Variants in DPP10 observed in about 807,000 individuals in gnomAD.
DPP10 encodes dipeptidyl peptidase like 10.
DPP10 carries 33 observed loss-of-function variants against 120.9 expected under a neutral mutation model. That is an observed-to-expected ratio of 0.27 (90% CI 0.21 to 0.37). DPP10 has a LOEUF of 0.37. Among genes scored for constraint, DPP10 ranks in the 10% least tolerant of loss-of-function variants. The probability of loss-of-function intolerance (pLI) is 1.00; values close to 1 mark genes in which losing one functional copy is unlikely to be tolerated. For missense variants in DPP10, 816 were observed against 942.8 expected (o/e 0.87, Z 1.76); for synonymous variants, 337 against 326.1 (o/e 1.03, Z -0.36).
chr2:114,918,368 C>T (rs1694955798), intron 1 of DPP10, among the ~76,000 whole-genome samples: 1 of 152,088 alleles, frequency 6.6e-6, no homozygotes, highest in Non-Finnish European at 1.5e-5. Context: ...GTTAGTTTAA[C>T]CACCATGGAA....
chr2:114,806,566 G>A (rs1411323270), intron 1 of DPP10, among the ~76,000 whole-genome samples: 1 of 152,102 alleles, frequency 6.6e-6, no homozygotes, highest in African/African-American at 2.4e-5. Context: ...GTGTCAATGT[G>A]AGTCAAAGAA....
At chr2:115,813,744 T>G (rs943112434) in intron 19 of DPP10, among the ~76,000 whole-genome samples, 1 of 152,214 alleles carries the variant, frequency 6.6e-6, no homozygotes, top group African/African-American at 2.4e-5. Context: ...GGAAATCTGA[T>G]AACTTGAAAG....
At chr2:114,786,537 A>T (rs1558740252) in intron 1 of DPP10, among the ~76,000 whole-genome samples, 1 of 152,202 alleles carries the variant, frequency 6.6e-6, no homozygotes. Context: ...TGAAGCACAG[A>T]TATCCACAAT....
intron 12 of DPP10, among the ~76,000 whole-genome samples, chr2:115,766,276 CATTAT>C (rs1268948939): frequency 1.1e-4 from 11 of 101,946 alleles, no homozygotes; most frequent in African/African-American, 3.5e-4. Context: ...CAAAAATACT[CATTAT>C]ATATATGTGT....
chr2:114,847,198 T>C (rs900560415), intron 1 of DPP10, among the ~76,000 whole-genome samples: 3 of 152,088 alleles, frequency 2.0e-5, no homozygotes, highest in Non-Finnish European at 4.4e-5. Flanking sequence ...TTGCTGAGCT[T>C]TGCCTGAAAC....
At chr2:114,974,727 T>C (rs1215504082) in intron 1 of DPP10, among the ~76,000 whole-genome samples, 1 of 151,872 alleles carries the variant, frequency 6.6e-6, no homozygotes, top group Non-Finnish European at 1.5e-5. Flanking sequence ...CTAGATCCTA[T>C]ATAGAAGGTA....
At chr2:115,774,026 T>G (rs920570189) in intron 13 of DPP10, among the ~76,000 whole-genome samples, 2 of 152,104 alleles carry the variant, frequency 1.3e-5, no homozygotes, top group African/African-American at 4.8e-5. Flanking sequence ...ATGGTTGTTA[T>G]TAAGGCTTCC....
intron 4 of DPP10, among the ~76,000 whole-genome samples, chr2:115,503,027 T>C (rs1413345477): frequency 6.6e-6 from 1 of 152,074 alleles, no homozygotes; most frequent in African/African-American, 2.4e-5. Context: ...TCTTATGCAT[T>C]AATATGAAAA....
At chr2:114,866,361 TG>T (rs1381746932) in intron 1 of DPP10, among the ~76,000 whole-genome samples, 1 of 151,680 alleles carries the variant, frequency 6.6e-6, no homozygotes, top group African/African-American at 2.4e-5. Flanking sequence ...AACATACATG[TG>T]AAAAAAAAAT....
intron 1 of DPP10, among the ~76,000 whole-genome samples, chr2:115,034,408 C>G (rs4578864): frequency 0.12 from 17,513 of 152,130 alleles, 1,039 homozygotes; most frequent in East Asian, 0.16. Context: ...ATCTCTAGCC[C>G]TGACTCTCAC....
rs1196756644 is a variant in DPP10 at position 115,035,501 on chromosome 2, A to G, written c.61-273738A>G. On this transcript the variant is annotated intron_variant, in intron 1 of 25. Coordinates refer to ENST00000410059, the MANE Select transcript of DPP10 (RefSeq NM_020868.6). ...GTTTGTTTATATTTTTATTTTCAGA[A>G]CGATTCTTATATTTGACACACAACA... 2.6e-5 allele frequency among the ~76,000 whole-genome samples: 4 copies of G among 152,184 alleles called. No individual in the cohort carries two copies. The East Asian group carries it at 7.7e-4, about 29-fold the overall frequency.
chr2:115,044,854 ATAAG>A (rs1387830485), intron 1 of DPP10, among the ~76,000 whole-genome samples: 2 of 152,146 alleles, frequency 1.3e-5, no homozygotes, highest in African/African-American at 4.8e-5. Flanking sequence ...GATCCCACAA[ATAAG>A]TGACAGCATG....
intron 1 of DPP10, among the ~76,000 whole-genome samples, chr2:115,152,305 A>G (rs1381551244): frequency 6.6e-6 from 1 of 152,206 alleles, no homozygotes; most frequent in Non-Finnish European, 1.5e-5. Flanking sequence ...TTTATTTCTA[A>G]AAACAGAAAG....
intron 1 of DPP10, among the ~76,000 whole-genome samples, chr2:114,469,432 A>AT (rs1553446157): frequency 1.3e-5 from 2 of 152,104 alleles, no homozygotes; most frequent in East Asian, 1.9e-4. Context: ...GTTTTTAAAA[A>AT]ATATATATAT....
intron 5 of DPP10, among the ~76,000 whole-genome samples, chr2:115,598,855 T>C (rs191747100): frequency 5.3e-5 from 8 of 150,254 alleles, no homozygotes; most frequent in Non-Finnish European, 1.0e-4. Context: ...GGAGTGTAGG[T>C]TTGACAGAAA....
intron 19 of DPP10, among the ~76,000 whole-genome samples, chr2:115,794,360 G>A (rs1684312937): frequency 6.6e-6 from 1 of 152,150 alleles, no homozygotes; most frequent in Non-Finnish European, 1.5e-5. Context: ...GTGGCCTCTG[G>A]CAATTTGGAA....
chr2:115,621,581 A>G (rs1333422823), intron 5 of DPP10, among the ~76,000 whole-genome samples: 1 of 152,210 alleles, frequency 6.6e-6, no homozygotes, highest in Non-Finnish European at 1.5e-5. Context: ...AATGGAAAAC[A>G]TAACTCCGAG....
chr2:115,813,107 G>C (rs1686836628), intron 19 of DPP10, among the ~76,000 whole-genome samples: 3 of 148,892 alleles, frequency 2.0e-5, no homozygotes, highest in African/African-American at 5.1e-5. Context: ...TCAGCCTCCC[G>C]AGTAGCTGGG....
In DPP10 at chr2:115,242,125, A is replaced by G. The variant is rs562966867; in HGVS notation, c.61-67114A>G. ...GACCCAAGCAGTATACACTGTACCCAATTTGTAGCGTTTTATCCCTCATGC... is the reference window on the plus strand; with the variant it reads ...GACCCAAGCAGTATACACTGTACCCGATTTGTAGCGTTTTATCCCTCATGC... On this transcript the variant is annotated intron_variant, in intron 1 of 25. Transcript: ENST00000410059. Among the ~76,000 whole-genome samples, 7 of 152,246 alleles carry G rather than the reference A, an allele frequency of 4.6e-5. No individual in the cohort carries two copies. In the South Asian group the frequency reaches 1.5e-3, roughly 32 times the overall value.
Sources: gnomAD v4.1 joint callset for allele counts (sites outside exome capture counted in the v4.1 genomes callset) on GRCh38, gnomAD v4.1.1 for gene constraint, MANE v1.5 for transcripts, NCBI Gene and HGNC (gene_info 2026-07-23, HGNC 2026-07-21) for gene names.